Variants in MECR observed in about 807,000 individuals in gnomAD.
MECR encodes the protein enoyl-[acyl-carrier-protein] reductase, mitochondrial.
A neutral mutation model predicts 49.1 loss-of-function variants in MECR; 37 were observed. That is an observed-to-expected ratio of 0.75 (90% CI 0.58 to 0.99). MECR has a LOEUF of 0.99. Ranked by LOEUF, MECR falls within the 50% of genes least tolerant of loss-of-function variation. The probability of loss-of-function intolerance (pLI) is 0.00; values close to 1 mark genes in which losing one functional copy is unlikely to be tolerated. For synonymous variants in MECR, 198 were observed against 191.1 expected (o/e 1.04, Z -0.30); for missense variants, 470 against 479.6 (o/e 0.98, Z 0.19).
At chr1:29,180,613 T>C in the MECR span, among the ~76,000 whole-genome samples, 3 of 152,186 alleles carry the variant, frequency 2.0e-5, no homozygotes, top group Admixed American at 6.5e-5. Flanking sequence ...AGTTTCTTTT[T>C]TAAGCCAAGA....
At chr1:29,217,197 G>A (rs1679666810) in intron 1 of MECR, among the ~76,000 whole-genome samples, 1 of 147,280 alleles carries the variant, frequency 6.8e-6, no homozygotes, top group Non-Finnish European at 1.5e-5. Context: ...AACTGCAAGT[G>A]GAAAACCCAC....
the MECR span, among the ~76,000 whole-genome samples, chr1:29,178,353 C>CTTTTTTTTTT: frequency 1.6e-5 from 2 of 127,906 alleles, no homozygotes; most frequent in Non-Finnish European, 3.2e-5. Context: ...GTTTCAATTA[C>CTTTTTTTTTT]TTTTTTTTTT....
Position 29,216,054 on chromosome 1 carries a change from C to G in MECR, c.357G>C (p.Val119=), listed in dbSNP as rs1286351991. The G allele has an allele frequency of 1.2e-6, 2 of 1,614,092 alleles. No individual in the cohort carries two copies. Among genetic ancestry groups the G allele is most frequent in the African/African-American group, 1.3e-5 (1 of 75,022 alleles). ...VAQVVAVGSN[V]TGLKPGDWVI... is the part of the protein sequence containing the mutation. The stretch of plus-strand genomic sequence containing the variant: ...CCCAGTCTCCTGGCTTCAGCCCGGT[C>G]ACATTGCTGCCCACCGCTACCACCT... The change falls in exon 3 of 10, where the codon GTG becomes GTC. Residue 119 remains valine, a synonymous_variant. Coordinates refer to ENST00000263702, the MANE Select transcript of MECR (RefSeq NM_016011.5).
At chr1:29,177,715 A>G in the MECR span, among the ~76,000 whole-genome samples, 5 of 152,116 alleles carry the variant, frequency 3.3e-5, no homozygotes, top group Admixed American at 2.0e-4. Flanking sequence ...AAAGTTCTCT[A>G]GAACAGTGGC....
At chr1:29,175,905 T>C in the MECR span, among the ~76,000 whole-genome samples, 1 of 152,050 alleles carries the variant, frequency 6.6e-6, no homozygotes, top group Non-Finnish European at 1.5e-5. Flanking sequence ...TCTAATGCTT[T>C]GTACATGCCA....
intron 7 of MECR, 147 bp from the exon 8 acceptor site, chr1:29,196,405 A>G (rs758239394): frequency 2.6e-6 from 2 of 755,394 alleles, no homozygotes; most frequent in Non-Finnish European, 4.3e-6. Context: ...TACAGATTCC[A>G]GCTGGGAGCA....
chr1:29,169,933 A>G, the MECR span: 2 of 152,220 alleles, frequency 1.3e-5, no homozygotes, highest in African/African-American at 4.8e-5. Context: ...CCTATTTGCC[A>G]ACTTTGTTTT....
At chr1:29,183,430 A>ATCC in the MECR span, among the ~76,000 whole-genome samples, 1 of 152,136 alleles carries the variant, frequency 6.6e-6, no homozygotes, top group African/African-American at 2.4e-5. Context: ...CTATTCCTAG[A>ATCC]AATAGGATAT....
the MECR span, among the ~76,000 whole-genome samples, chr1:29,168,069 G>A: frequency 2.0e-5 from 3 of 149,412 alleles, no homozygotes; most frequent in East Asian, 3.9e-4. Flanking sequence ...AGGCTGCAGC[G>A]CAGCGGCGCG....
rs1240707354 is a variant in MECR, at chr1:29,193,342, C to T, written c.*680G>A. 5.4e-6 allele frequency: 1 copy of T among 186,464 alleles called. No homozygotes were observed. Among genetic ancestry groups the T allele is most frequent in the Non-Finnish European group, 1.1e-5 (1 of 88,958 alleles). The allele number at this position is 186,464 out of a possible 1,614,324, so 11.6% of individuals were successfully genotyped here. ...GCTAGATGCCAGTAGCAACCTCCTTCATAAGCTGTGATAGCCAGAAATATC... is the reference window on the plus strand; with the variant it reads ...GCTAGATGCCAGTAGCAACCTCCTTTATAAGCTGTGATAGCCAGAAATATC... On this transcript the variant is annotated 3_prime_UTR_variant, in exon 10 of 10. Transcript: ENST00000263702.
At chr1:29,195,391 G>A (rs546237096) in intron 9 of MECR, among the ~76,000 whole-genome samples, 60 of 152,298 alleles carry the variant, frequency 3.9e-4, no homozygotes, top group African/African-American at 1.3e-3. Flanking sequence ...TGGAGATCCC[G>A]CTCTGGGGAG....
At chr1:29,194,593 T>C (rs950269697) in intron 9 of MECR, among the ~76,000 whole-genome samples, 3 of 152,142 alleles carry the variant, frequency 2.0e-5, no homozygotes, top group African/African-American at 7.2e-5. Flanking sequence ...TGTGGAACAG[T>C]TGAGCTCTGC....
chr1:29,218,609 A>G (rs892933088), intron 1 of MECR, among the ~76,000 whole-genome samples: 1 of 152,220 alleles, frequency 6.6e-6, no homozygotes, highest in Non-Finnish European at 1.5e-5. Flanking sequence ...ACGGTGGCTC[A>G]CGCCTGTAAT....
the MECR span, among the ~76,000 whole-genome samples, chr1:29,177,775 T>C: frequency 6.6e-6 from 1 of 152,188 alleles, no homozygotes; most frequent in East Asian, 1.9e-4. Flanking sequence ...CAATGAACTC[T>C]TGCTTACACA....
chr1:29,215,733 TG>T (rs1441613313), intron 3 of MECR, among the ~76,000 whole-genome samples: 1 of 151,724 alleles, frequency 6.6e-6, no homozygotes, highest in Non-Finnish European at 1.5e-5. Context: ...TAGCCGGGCG[TG>T]GTGGTAGGCG....
At chr1:29,223,099 C>T in intron 1 of MECR, 1 of 985,424 alleles carries the variant, frequency 1.0e-6, no homozygotes, top group Non-Finnish European at 1.2e-6. Flanking sequence ...AATGAGGCAC[C>T]CAACCCAGCC....
chr1:29,216,799 C>T, intron 1 of MECR, 114 bp from the exon 2 acceptor site: 1 of 1,568,612 alleles, frequency 6.4e-7, no homozygotes. Context: ...CATGTGTGCC[C>T]AGGAATTACG....
At chr1:29,200,386 G>T in intron 7 of MECR, 130 bp downstream of exon 7, 1 of 785,574 alleles carries the variant, frequency 1.3e-6, no homozygotes, top group African/African-American at 1.7e-5. Flanking sequence ...TTTGGTCCTA[G>T]TTTCCACTCA....
At chr1:29,222,285 G>T (rs1018579160) in intron 1 of MECR, among the ~76,000 whole-genome samples, 5 of 152,018 alleles carry the variant, frequency 3.3e-5, no homozygotes, top group African/African-American at 9.7e-5. Context: ...TTTTAGTAGA[G>T]ACAGGGTTTT....
Sources: gnomAD v4.1 joint callset for allele counts (sites outside exome capture counted in the v4.1 genomes callset) on GRCh38, gnomAD v4.1.1 for gene constraint, MANE v1.5 for transcripts, NCBI Gene and HGNC (gene_info 2026-07-23, HGNC 2026-07-21) for gene names.